ST6GALNAC5: variants seen among roughly 807,000 people sequenced by gnomAD.
The protein encoded by ST6GALNAC5 is ST6 N-acetylgalactosaminide alpha-2,6-sialyltransferase 5, also known as alpha-N-acetylgalactosaminide alpha-2,6-sialyltransferase 5.
ST6GALNAC5 carries 27 observed loss-of-function variants against 33.6 expected under a neutral mutation model. The ratio of observed to expected loss-of-function variants is 0.80; its 90% CI spans 0.59 to 1.11. The LOEUF is 1.11. Ranked by LOEUF, ST6GALNAC5 falls within the 50% of genes least tolerant of loss-of-function variation. The pLI, the probability that ST6GALNAC5 is intolerant of heterozygous loss-of-function variation, is 0.00. For missense variants in ST6GALNAC5, 428 were observed against 454.0 expected (o/e 0.94, Z 0.52); for synonymous variants, 194 against 171.2 (o/e 1.13, Z -1.04).
In ST6GALNAC5 at chr1:76,882,521, C is replaced by A. The variant is rs1356440631; in HGVS notation, c.261+13779C>A. Among the ~76,000 whole-genome samples, 30 of 152,098 alleles carry A rather than the reference C, an allele frequency of 2.0e-4. 1 individual carries two copies. The highest frequency in any genetic ancestry group is 1.9e-3 in the Admixed American group (29 of 15,264). ...TTTTACCTATCATAGGGAAAATTAA[C>A]CCTGATCATTGCTACAGCTCTTGAA... On this transcript the variant is annotated intron_variant, in intron 2 of 4. Transcript: ENST00000477717.
rs914284704 is a variant in ST6GALNAC5, at chr1:76,868,591, C to T, written c.110C>T (p.Pro37Leu). 2 of 1,590,996 alleles carry T rather than the reference C, an allele frequency of 1.3e-6. No individual in the cohort carries two copies. Among genetic ancestry groups the T allele is most frequent in the African/African-American group, 2.7e-5 (2 of 73,834 alleles). Residue 37 changes from proline (P) to leucine (L), a missense_variant, in exon 2 of 5, where the codon CCG (proline) becomes CTG (leucine). Physicochemically the swap from Pro to Leu is moderately conservative, Grantham distance 98 (BLOSUM62 -3). Coordinates refer to ENST00000477717, the MANE Select transcript of ST6GALNAC5 (RefSeq NM_030965.3). This position sits in a 1 kb window ranked among gnomAD's most constrained non-coding sequence, Gnocchi z 4.3. ...SSLGGQKERP[P>L]QQQQQQQQQQ... ...CTCGGCGGCCAGAAGGAGCGGCCCC[C>T]GCAGCAGCAGCAGCAGCAGCAGCAA...
chr1:77,050,389 AATC>A, intron 4 of ST6GALNAC5, 24 bp downstream of exon 4: 1 of 1,598,144 alleles, frequency 6.3e-7, no homozygotes, highest in South Asian at 1.1e-5. Flanking sequence ...TGCAAGTGTA[AATC>A]ATCAGCCGTG....
intron 2 of ST6GALNAC5, among the ~76,000 whole-genome samples, chr1:76,933,763 CAAAAAAAAAAA>C (rs35621324): frequency 3.0e-5 from 2 of 67,618 alleles, no homozygotes; most frequent in African/African-American, 5.8e-5. Context: ...TTTTCTCTGC[CAAAAAAAAAAA>C]AAAAAAAAAA....
At chr1:76,963,654 C>T (rs61785575) in intron 2 of ST6GALNAC5, among the ~76,000 whole-genome samples, 6,253 of 152,296 alleles carry the variant, frequency 0.041, 154 homozygotes, top group Middle Eastern at 0.082. Flanking sequence ...CAGGTGAATA[C>T]TTTATGTCCT....
chr1:77,034,317 G>A (rs971593782), intron 2 of ST6GALNAC5, among the ~76,000 whole-genome samples: 2 of 151,796 alleles, frequency 1.3e-5, no homozygotes, highest in Non-Finnish European at 2.9e-5. Context: ...CTCTCCCTGT[G>A]TATCTCTGTG....
At chr1:76,906,242 G>A (rs561129672) in intron 2 of ST6GALNAC5, among the ~76,000 whole-genome samples, 5 of 152,244 alleles carry the variant, frequency 3.3e-5, no homozygotes, top group Non-Finnish European at 7.4e-5. Context: ...TGGAGAATAT[G>A]ACAAGAAAAG....
intron 2 of ST6GALNAC5, among the ~76,000 whole-genome samples, chr1:77,009,132 C>T (rs533560916): frequency 6.6e-6 from 1 of 152,360 alleles, no homozygotes; most frequent in Non-Finnish European, 1.5e-5. Context: ...ACTTCACACA[C>T]TAGCACCTTA....
chr1:76,988,781 G>A (rs1178934499), intron 2 of ST6GALNAC5, among the ~76,000 whole-genome samples: 9 of 151,890 alleles, frequency 5.9e-5, no homozygotes, highest in African/African-American at 2.2e-4. Context: ...AGTTTTAGTG[G>A]TACTGTTAAA....
At chr1:76,898,241 TC>T (rs1646776300) in intron 2 of ST6GALNAC5, among the ~76,000 whole-genome samples, 1 of 152,264 alleles carries the variant, frequency 6.6e-6, no homozygotes, top group Non-Finnish European at 1.5e-5. Flanking sequence ...TGTAGCAAGC[TC>T]CTGGGGGAGG....
chr1:77,039,360 C>G (rs1651760693), intron 2 of ST6GALNAC5, among the ~76,000 whole-genome samples: 1 of 152,236 alleles, frequency 6.6e-6, no homozygotes, highest in African/African-American at 2.4e-5. Context: ...TAATTCCAGG[C>G]AGTGCCCTGG....
At chr1:77,049,216 C>T (rs1266698253) in intron 3 of ST6GALNAC5, among the ~76,000 whole-genome samples, 2 of 151,912 alleles carry the variant, frequency 1.3e-5, no homozygotes, top group Non-Finnish European at 2.9e-5. Context: ...GGTTTTCCTT[C>T]TTCTCAAGGA....
At chr1:76,975,790 C>T (rs1381980283) in intron 2 of ST6GALNAC5, among the ~76,000 whole-genome samples, 1 of 152,072 alleles carries the variant, frequency 6.6e-6, no homozygotes, top group Non-Finnish European at 1.5e-5. Context: ...ATATTAGTTA[C>T]CTTTAAAAAA....
chr1:76,913,501 C>T lies in ST6GALNAC5; in HGVS notation c.261+44759C>T, dbSNP rs562687467. 2.3e-4 allele frequency among the ~76,000 whole-genome samples: 35 copies of T among 152,148 alleles called. No individual in the cohort carries two copies. In the South Asian group the frequency reaches 2.9e-3, roughly 13 times the overall value. ...ATTCGGGAAGTTCTCCTGGATAATACCCTGCAGAGTGTTTTCCAACTTGGT... is the reference window on the plus strand; with the variant it reads ...ATTCGGGAAGTTCTCCTGGATAATATCCTGCAGAGTGTTTTCCAACTTGGT... On this transcript the variant is annotated intron_variant, in intron 2 of 4. Transcript: ENST00000477717.
At chr1:77,053,744 T>G (rs920407967) in intron 4 of ST6GALNAC5, among the ~76,000 whole-genome samples, 6 of 152,222 alleles carry the variant, frequency 3.9e-5, no homozygotes, top group Non-Finnish European at 8.8e-5. Context: ...TCTCAGGGCC[T>G]GTTCAGTACA....
chr1:76,995,350 A>T (rs1292741752), intron 2 of ST6GALNAC5: 1 of 152,276 alleles, frequency 6.6e-6, no homozygotes, highest in Non-Finnish European at 1.5e-5. Context: ...GTGAGCTATG[A>T]TCATGACACT....
At chr1:76,869,903 G>T (rs1653460190) in intron 2 of ST6GALNAC5, among the ~76,000 whole-genome samples, 1 of 152,122 alleles carries the variant, frequency 6.6e-6, no homozygotes, top group Non-Finnish European at 1.5e-5. Flanking sequence ...TGTAATAAAT[G>T]CTAGATATGA....
chr1:76,934,088 A>G (rs1475385222), intron 2 of ST6GALNAC5, among the ~76,000 whole-genome samples: 1 of 152,018 alleles, frequency 6.6e-6, no homozygotes, highest in Non-Finnish European at 1.5e-5. Context: ...TGGGAAATGG[A>G]GGTTTCTGAG....
rs115558302 is a variant in ST6GALNAC5, at chr1:76,909,083, T to C, written c.261+40341T>C. On this transcript the variant is annotated intron_variant, in intron 2 of 4. Transcript: ENST00000477717. ...GAAAGCTGTTTCACAGTAAAAACTC[T>C]TCAGGCCCTTCTCTCGGCACTTTTC... Among the ~76,000 whole-genome samples, 864 of 152,238 alleles carry C rather than the reference T, an allele frequency of 5.7e-3. 7 individuals are homozygous for C. The highest frequency in any genetic ancestry group is 0.02 in the African/African-American group (816 of 41,548).
intron 2 of ST6GALNAC5, among the ~76,000 whole-genome samples, chr1:76,939,487 C>T (rs558074891): frequency 3.3e-5 from 5 of 152,166 alleles, no homozygotes; most frequent in Non-Finnish European, 7.4e-5. Context: ...GCATTCCTGA[C>T]ATAAATATTC....
Sources: gnomAD v4.1 joint callset for allele counts (sites outside exome capture counted in the v4.1 genomes callset) on GRCh38, gnomAD v4.1.1 for gene constraint, Gnocchi (gnomAD v3.1) non-coding constraint, MANE v1.5 for transcripts, NCBI Gene and HGNC (gene_info 2026-07-23, HGNC 2026-07-21) for gene names.